Variants in SENP5 observed in about 807,000 individuals in gnomAD.
SENP5 encodes sentrin-specific protease 5.
SENP5 carries 21 observed loss-of-function variants against 74.2 expected under a neutral mutation model. The observed-to-expected ratio is 0.28, with a 90% CI of 0.20 to 0.41. The LOEUF is 0.41. SENP5 is among the 10% of genes least tolerant of loss of function. The pLI is 1.00. For synonymous variants in SENP5, 311 were observed against 312.7 expected (o/e 0.99, Z 0.06); for missense variants, 717 against 889.1 (o/e 0.81, Z 2.46).
At chr3:196,916,584 A>G (rs142781535) in intron 6 of SENP5, among the ~76,000 whole-genome samples, 4,083 of 150,536 alleles carry the variant, frequency 0.027, 86 homozygotes, top group Non-Finnish European at 0.041. Flanking sequence ...CTGGAGTGCA[A>G]TGGTGTGATC....
rs1386280622 is a variant in SENP5 at position 196,922,485 on chromosome 3, C to T, written c.1885-929C>T. Among the ~76,000 whole-genome samples, 12 of 151,690 alleles carry T rather than the reference C, an allele frequency of 7.9e-5. No individual in the cohort carries two copies. In the East Asian group the frequency reaches 9.6e-4, roughly 12 times the overall value. Reference sequence around the variant, plus strand: ...TAGATGCAGTTTCAGGGTCTCACTCCGTCGCCCAGGCTGGAATGCAGAGGT... The same window carrying T: ...TAGATGCAGTTTCAGGGTCTCACTCTGTCGCCCAGGCTGGAATGCAGAGGT... On this transcript the variant is annotated intron_variant, in intron 6 of 9. Coordinates refer to ENST00000323460, the MANE Select transcript of SENP5 (RefSeq NM_152699.5).
At chr3:196,887,986 T>A (rs1057313155) in intron 2 of SENP5, among the ~76,000 whole-genome samples, 1 of 152,152 alleles carries the variant, frequency 6.6e-6, no homozygotes, top group Non-Finnish European at 1.5e-5. Flanking sequence ...CAGGCTGGTC[T>A]CGAACTCCTG....
intron 5 of SENP5, among the ~76,000 whole-genome samples, chr3:196,902,257 G>A (rs940780902): frequency 1.3e-5 from 2 of 152,204 alleles, no homozygotes; most frequent in African/African-American, 4.8e-5. Context: ...GCTGGGACTA[G>A]AGGCATGTGC....
At chr3:196,890,184 T>C (rs1714143642) in intron 2 of SENP5, among the ~76,000 whole-genome samples, 1 of 152,206 alleles carries the variant, frequency 6.6e-6, no homozygotes, top group Admixed American at 6.5e-5. Flanking sequence ...ACTAACAGTC[T>C]ATCACCATCC....
chr3:196,914,586 A>AATAGAT (rs1715289110), intron 6 of SENP5: 1 of 33,510 alleles, frequency 3.0e-5, no homozygotes, highest in African/African-American at 1.8e-4. Flanking sequence ...AAAAAAAAAA[A>AATAGAT]ATATATATAT....
intron 5 of SENP5, among the ~76,000 whole-genome samples, chr3:196,901,783 T>C (rs1714712907): frequency 1.3e-5 from 2 of 152,264 alleles, no homozygotes; most frequent in African/African-American, 4.8e-5. Context: ...AGATTATCTT[T>C]AACATAAAAG....
At chr3:196,873,558 C>G (rs1280468375) in intron 1 of SENP5, among the ~76,000 whole-genome samples, 1 of 151,876 alleles carries the variant, frequency 6.6e-6, no homozygotes, top group Non-Finnish European at 1.5e-5. Context: ...AAATTCTTGG[C>G]AGCCGGGCGT....
chr3:196,928,273 G>T (rs1715891182), intron 8 of SENP5, among the ~76,000 whole-genome samples: 1 of 152,198 alleles, frequency 6.6e-6, no homozygotes, highest in Non-Finnish European at 1.5e-5. Flanking sequence ...GAGCTACTTG[G>T]CAGGCATGTG....
At chr3:196,872,919 G>C (rs1459677337) in intron 1 of SENP5, among the ~76,000 whole-genome samples, 1 of 152,090 alleles carries the variant, frequency 6.6e-6, no homozygotes, top group East Asian at 1.9e-4. Context: ...GGCTGGTTTT[G>C]TGGCATGTGG....
In SENP5 at chr3:196,915,661, G is replaced by A. The variant is rs557566256; in HGVS notation, c.1885-7753G>A. ...CCAGTGCCAGCTGTGGTAGCCATGG[G>A]AGTGCTTGCACCACCCCTCCCTCAA... On this transcript the variant is annotated intron_variant, in intron 6 of 9. Transcript: ENST00000323460. Among the ~76,000 whole-genome samples the A allele has an allele frequency of 3.2e-4, 48 of 152,290 alleles. 1 individual carries two copies. The South Asian group carries it at 4.3e-3, about 14-fold the overall frequency.
At chr3:196,875,990 T>C (rs565693304) in intron 1 of SENP5, among the ~76,000 whole-genome samples, 1 of 152,196 alleles carries the variant, frequency 6.6e-6, no homozygotes, top group East Asian at 1.9e-4. Flanking sequence ...CCCAAAGTGC[T>C]GGGATTACAG....
At chr3:196,896,927 C>T (rs560673803) in intron 2 of SENP5, among the ~76,000 whole-genome samples, 13 of 152,206 alleles carry the variant, frequency 8.5e-5, no homozygotes, top group Admixed American at 4.6e-4. Flanking sequence ...CCTTGAAGAT[C>T]GTACCTTGAA....
chr3:196,911,907 A>G lies in SENP5; in HGVS notation c.1884+8297A>G, dbSNP rs570182541. On this transcript the variant is annotated intron_variant, in intron 6 of 9. Transcript: ENST00000323460. ...CATCTCATGCGAGTCAGAAATGACAATTATTAAAAAGTCAAGAAACAATAG... is the reference window on the plus strand; with the variant it reads ...CATCTCATGCGAGTCAGAAATGACAGTTATTAAAAAGTCAAGAAACAATAG... Among the ~76,000 whole-genome samples, 10 of 152,364 alleles carry G rather than the reference A, an allele frequency of 6.6e-5. No homozygotes were observed. The South Asian group carries it at 1.2e-3, about 19-fold the overall frequency.
At chr3:196,905,941 T>C (rs964321805) in intron 6 of SENP5, among the ~76,000 whole-genome samples, 5 of 152,046 alleles carry the variant, frequency 3.3e-5, no homozygotes, top group African/African-American at 1.2e-4. Flanking sequence ...AGACATCACT[T>C]TGGGCCTGGG....
Position 196,931,674 on chromosome 3 carries a change from G to C in SENP5, c.*751G>C, listed in dbSNP as rs1175353697. 3.5e-6 allele frequency: 1 copy of C among 285,764 alleles called. No individual in the cohort carries two copies. The highest frequency in any genetic ancestry group is 6.9e-6 in the Non-Finnish European group (1 of 145,706). 17.7% of individuals were successfully genotyped at this position (285,764 alleles called of 1,614,324 possible). A position where few individuals can be genotyped will look rare whatever the true frequency, so the allele number is the denominator to read the frequency against. On this transcript the variant is annotated 3_prime_UTR_variant, in exon 10 of 10. Transcript: ENST00000323460. The stretch of plus-strand genomic sequence containing the variant: ...TACATCTCATAAAGGCTTTTGCTGG[G>C]ATATTGAATTCCCTGAATTTTTCTG...
At chr3:196,920,321 C>T (rs1715566811) in intron 6 of SENP5, among the ~76,000 whole-genome samples, 1 of 152,128 alleles carries the variant, frequency 6.6e-6, no homozygotes, top group Non-Finnish European at 1.5e-5. Flanking sequence ...TGGCTATGAA[C>T]AGAATTTTAA....
chr3:196,930,480 A>T (rs535174374), intron 9 of SENP5, among the ~76,000 whole-genome samples: 1 of 152,364 alleles, frequency 6.6e-6, no homozygotes, highest in African/African-American at 2.4e-5. Context: ...ATGCTGCCTT[A>T]GATCGGGGTC....
chr3:196,900,521 TAAAAG>T lies in SENP5; in HGVS notation c.1806+112_1806+116del, dbSNP rs1032895439. 47 of 890,216 alleles carry T rather than the reference TAAAAG, an allele frequency of 5.3e-5. No homozygotes were observed. The Middle Eastern group carries it at 4.0e-3, about 75-fold the overall frequency. The allele number at this position is 890,216 out of a possible 1,614,324, so 55.1% of individuals were successfully genotyped here. ...ATTATCTGACATTCCTTAAATTTTT[TAAAAG>T]AAGAGTTCAATTTTTTCTTGATCAT... On this transcript the variant is annotated intron_variant, in intron 5 of 9. Transcript: ENST00000323460.
At chr3:196,916,067 A>G (rs762830592) in intron 6 of SENP5, among the ~76,000 whole-genome samples, 3 of 152,176 alleles carry the variant, frequency 2.0e-5, no homozygotes, top group African/African-American at 7.2e-5. Context: ...GGTCACGCCT[A>G]TAATCTCAGC....
Sources: gnomAD v4.1 joint callset for allele counts (sites outside exome capture counted in the v4.1 genomes callset) on GRCh38, gnomAD v4.1.1 for gene constraint, MANE v1.5 for transcripts, NCBI Gene and HGNC (gene_info 2026-07-23, HGNC 2026-07-21) for gene names.